Variants in IL22RA1 observed in about 807,000 individuals in gnomAD.
The protein encoded by IL22RA1 is interleukin 22 receptor subunit alpha 1.
A neutral mutation model predicts 32.8 loss-of-function variants in IL22RA1; 25 were observed. That is an observed-to-expected ratio of 0.76 (90% CI 0.55 to 1.06). IL22RA1 has a LOEUF of 1.06. IL22RA1 is among the 50% of genes least tolerant of loss of function. The probability of loss-of-function intolerance (pLI) is 0.00; values close to 1 mark genes in which losing one functional copy is unlikely to be tolerated. For synonymous variants in IL22RA1, 305 were observed against 305.0 expected, an observed-to-expected ratio of 1.00 and a Z score of 0.00; for missense variants, 709 against 727.4, an observed-to-expected ratio of 0.97 and a Z score of 0.29.
intron 6 of IL22RA1, among the ~76,000 whole-genome samples, chr1:24,122,685 C>T (rs1173629653): frequency 6.6e-6 from 1 of 151,804 alleles, no homozygotes; most frequent in Non-Finnish European, 1.5e-5. Flanking sequence ...GTAATCCCAG[C>T]TACTTGGGAG....
rs909932565 is a variant in IL22RA1 at position 24,120,813 on chromosome 1, C to T, written c.1717G>A (p.Glu573Lys). 6.2e-7 allele frequency: 1 copy of T among 1,600,974 alleles called. No homozygotes were observed. The highest frequency in any genetic ancestry group is 8.5e-7 in the Non-Finnish European group (1 of 1,172,874). The part of the protein sequence containing the change: ...FRGLALTVQW[E>K]S ...AGCCTTTCCCATTCCCCTCAGGACT[C>T]CCACTGCACAGTCAGGGCCAGGCCT... Residue 573 changes from glutamate (E) to lysine (K), a missense_variant, in exon 7 of 7, where the codon GAG (glutamate) becomes AAG (lysine). Glu to Lys is a moderately conservative substitution (Grantham distance 56). Transcript: ENST00000270800.
intron 5 of IL22RA1, among the ~76,000 whole-genome samples, chr1:24,125,504 A>C (rs1348849998): frequency 7.0e-6 from 1 of 142,158 alleles, no homozygotes; most frequent in Non-Finnish European, 1.6e-5. Flanking sequence ...AGGGTAATGC[A>C]GACGTCAGGA....
At chr1:24,123,031 A>G (rs1644135823) in intron 6 of IL22RA1, among the ~76,000 whole-genome samples, 1 of 152,108 alleles carries the variant, frequency 6.6e-6, no homozygotes, top group Non-Finnish European at 1.5e-5. Context: ...CAAGTCCCAC[A>G]CTACCCTCCT....
At chr1:24,126,385 T>G (rs1380807278) in intron 5 of IL22RA1, among the ~76,000 whole-genome samples, 1 of 152,066 alleles carries the variant, frequency 6.6e-6, no homozygotes, top group African/African-American at 2.4e-5. Flanking sequence ...AGGACCAGAG[T>G]GTCATTTTCT....
rs1336668912 is a variant in IL22RA1, at chr1:24,134,296, C to A, written c.446G>T (p.Gly149Val). 1 of 1,609,522 alleles carries A rather than the reference C, an allele frequency of 6.2e-7. No individual in the cohort carries two copies. The highest frequency in any genetic ancestry group is 2.3e-5 in the East Asian group (1 of 44,292). ...VHPTPTPIRA[G>V]DGHRLTLEDI... ...TTCCAGGGTTAGCCGGTGGCCATCGCCTGCACGGATTGGCGTGGGGGTAGG... is the reference window on the plus strand; with the variant it reads ...TTCCAGGGTTAGCCGGTGGCCATCGACTGCACGGATTGGCGTGGGGGTAGG... The change falls in exon 4 of 7, where the codon GGC becomes GTC. Residue 149 changes from glycine (G) to valine (V), a missense_variant. By Grantham distance (109) the Gly-to-Val change is moderately radical. Transcript: ENST00000270800.
At position 24,137,319 on chromosome 1, in the gene IL22RA1, A is replaced by G; in HGVS notation, c.177-10T>C. Reference sequence around the variant, plus strand: ...GTCCCTCTCTCCGTACCTGCAGGTCAGGAAGGGGCCAAGTCACCGTGGTGA... The same window carrying G: ...GTCCCTCTCTCCGTACCTGCAGGTCGGGAAGGGGCCAAGTCACCGTGGTGA... On this transcript the variant is annotated splice_polypyrimidine_tract_variant and intron_variant, in intron 2 of 6. Transcript: ENST00000270800. 1 of 1,611,558 alleles carries G rather than the reference A, an allele frequency of 6.2e-7. No homozygotes were observed. The highest frequency in any genetic ancestry group is 1.7e-4 in the Middle Eastern group (1 of 6,054).
At chr1:24,143,001 G>C (rs1279613838) in intron 1 of IL22RA1, 39 bp downstream of exon 1, 7 of 1,597,590 alleles carry the variant, frequency 4.4e-6, no homozygotes, top group African/African-American at 1.3e-5. Flanking sequence ...TGGCCCCTGG[G>C]ATAAGGGAGG....
chr1:24,138,505 T>G, intron 2 of IL22RA1, 77 bp downstream of exon 2: 2 of 1,522,598 alleles, frequency 1.3e-6, no homozygotes, highest in Non-Finnish European at 1.8e-6. Flanking sequence ...TGGGAACATA[T>G]GGAGAGGAGG....
At chr1:24,138,058 G>A (rs1237408616) in intron 2 of IL22RA1, among the ~76,000 whole-genome samples, 1 of 152,152 alleles carries the variant, frequency 6.6e-6, no homozygotes, top group Non-Finnish European at 1.5e-5. Flanking sequence ...ACCAGGAGTG[G>A]AAGCCAGGTT....
At chr1:24,136,640 T>A (rs1406339311) in intron 3 of IL22RA1, among the ~76,000 whole-genome samples, 1 of 152,126 alleles carries the variant, frequency 6.6e-6, no homozygotes, top group Non-Finnish European at 1.5e-5. Context: ...GCTCGATGCA[T>A]TGGGAAGACA....
rs762845739 is a variant in IL22RA1, at chr1:24,134,430, C to T, written c.356-44G>A. The T allele has an allele frequency of 2.9e-5, 42 of 1,424,558 alleles. 1 individual carries two copies. In the South Asian group the frequency reaches 4.1e-4, roughly 14 times the overall value. 88.2% of individuals were successfully genotyped at this position (1,424,558 alleles called of 1,614,324 possible). ...AAAAGAGAAAAGAAAAAGTCAGAATCGGTGGGTAGTGTCTGAGGCAACCTT... is the reference window on the plus strand; with the variant it reads ...AAAAGAGAAAAGAAAAAGTCAGAATTGGTGGGTAGTGTCTGAGGCAACCTT... On this transcript the variant is annotated intron_variant, in intron 3 of 6. Transcript: ENST00000270800.
intron 1 of IL22RA1, among the ~76,000 whole-genome samples, chr1:24,139,046 C>T (rs1274482453): frequency 2.0e-5 from 3 of 152,210 alleles, no homozygotes; most frequent in Non-Finnish European, 2.9e-5. Flanking sequence ...GTGCAATCAT[C>T]GCTATTATCT....
At position 24,128,236 on chromosome 1, in the gene IL22RA1, G is replaced by A; in HGVS notation, c.575C>T (p.Thr192Ile). The part of the protein sequence containing the change: ...KQREYEFFGL[T>I]PDTEFLGTIM... The stretch of plus-strand genomic sequence containing the variant: ...GGTGCCAAGGAACTCTGTGTCAGGG[G>A]TCAGGCCGAAGAACTCATATTCTCT... Residue 192 changes from threonine to isoleucine, a missense_variant, in exon 5 of 7, where the codon ACC becomes ATC. Thr to Ile is a moderately conservative substitution (Grantham distance 89). Coordinates refer to ENST00000270800, the MANE Select transcript of IL22RA1 (RefSeq NM_021258.4). The A allele has an allele frequency of 6.2e-7, 1 of 1,611,256 alleles. No individual in the cohort carries two copies. Among genetic ancestry groups the A allele is most frequent in the Non-Finnish European group, 8.5e-7 (1 of 1,178,668 alleles).
chr1:24,129,521 A>C (rs1399502635), intron 4 of IL22RA1, among the ~76,000 whole-genome samples: 1 of 152,224 alleles, frequency 6.6e-6, no homozygotes, highest in Non-Finnish European at 1.5e-5. Flanking sequence ...CTCTTCTTCT[A>C]ATCTCCAGGG....
chr1:24,121,641 G>A lies in IL22RA1; in HGVS notation c.889C>T (p.Gln297Ter). Residue 297 changes from glutamine (Q) to a stop codon, truncating the protein, a stop_gained, in exon 7 of 7, where the codon CAG becomes TAG. Coordinates refer to ENST00000270800, the MANE Select transcript of IL22RA1 (RefSeq NM_021258.4). LOFTEE classifies it low-confidence loss of function (END_TRUNC). Reference sequence around the variant, plus strand: ...CTGATCTGGGAGTACTGGACAGGCTGGGCCAGACTGCTGGGGCCGCTGAGG... The same window carrying A: ...CTGATCTGGGAGTACTGGACAGGCTAGGCCAGACTGCTGGGGCCGCTGAGG... ...FDLSGPSSLA[Q>*]PVQYSQIRVS... 1 of 1,611,568 alleles carries A rather than the reference G, an allele frequency of 6.2e-7. No individual in the cohort carries two copies. The highest frequency in any genetic ancestry group is 8.5e-7 in the Non-Finnish European group (1 of 1,178,320).
intron 6 of IL22RA1, 45 bp from the exon 7 acceptor site, chr1:24,121,782 T>C (rs1644124991): frequency 7.1e-7 from 1 of 1,404,638 alleles, no homozygotes; most frequent in Non-Finnish European, 9.4e-7. Flanking sequence ...TTAGGGTAAG[T>C]CCCAAGCTCC....
intron 5 of IL22RA1, among the ~76,000 whole-genome samples, chr1:24,124,004 T>C (rs773514410): frequency 2.6e-5 from 4 of 152,196 alleles, no homozygotes; most frequent in Non-Finnish European, 5.9e-5. Flanking sequence ...GATCACAGGC[T>C]CTGGGCCATA....
intron 4 of IL22RA1, 92 bp from the exon 5 acceptor site, chr1:24,128,371 G>A: frequency 6.7e-6 from 10 of 1,482,876 alleles, no homozygotes; most frequent in Non-Finnish European, 9.4e-6. Flanking sequence ...CTGGATTCTG[G>A]TTTGATGCTG....
At chr1:24,139,373 C>T (rs1644265010) in intron 1 of IL22RA1, among the ~76,000 whole-genome samples, 1 of 152,152 alleles carries the variant, frequency 6.6e-6, no homozygotes, top group Admixed American at 6.5e-5. Flanking sequence ...TTTTTGGCTA[C>T]CATGAATAAT....
Sources: allele counts gnomAD v4.1 joint callset (sites outside exome capture counted in the v4.1 genomes callset), GRCh38; gene constraint gnomAD v4.1.1; transcripts MANE v1.5; gene names NCBI Gene and HGNC (gene_info 2026-07-23, HGNC 2026-07-21).